The following ITGB3BP variants were observed in gnomAD, a reference collection of about 807,000 sequenced individuals.
The protein encoded by ITGB3BP is centromere protein R.
Under a neutral mutation model 29.1 loss-of-function variants are expected in ITGB3BP, and 27 were observed. That is an observed-to-expected ratio of 0.93 (90% confidence interval 0.68 to 1.28). The LOEUF is 1.28. ITGB3BP is among the 50% of genes most tolerant of loss of function. The probability of loss-of-function intolerance (pLI) is 0.00; values close to 1 mark genes in which losing one functional copy is unlikely to be tolerated. For synonymous variants in ITGB3BP, 61 were observed against 61.4 expected, an observed-to-expected ratio of 0.99 and a Z score of 0.03; for missense variants, 192 against 200.2, an observed-to-expected ratio of 0.96 and a Z score of 0.25.
intron 8 of ITGB3BP, 149 bp downstream of exon 8, chr1:63,446,657 A>G (rs1266851621): frequency 1.1e-5 from 7 of 630,160 alleles, no homozygotes; most frequent in East Asian, 5.5e-5. Context: ...CTAGATTAAT[A>G]TAAGTTCAAC....
chr1:63,508,528 AT>A lies in ITGB3BP; in HGVS notation c.47del (p.Asn16IlefsTer15), dbSNP rs1219404585. On this transcript the variant is annotated frameshift_variant and splice_region_variant, in exon 2 of 9. Transcript: ENST00000271002. LOFTEE classifies it high-confidence loss of function. ...GACAAACTTTTAAGCAAATACTTAC[AT>A]TTTCTTCTAACAGACCATCCAACTT... ...SLKLDGLLEE[N>X]SFDPSKITRK... 1.4e-6 allele frequency: 2 copies of A among 1,410,654 alleles called. No individual in the cohort carries two copies. The highest frequency in any genetic ancestry group is 1.9e-6 in the Non-Finnish European group (2 of 1,035,714). The allele number at this position is 1,410,654 out of a possible 1,614,324, so 87.4% of individuals were successfully genotyped here. A position where few individuals can be genotyped will look rare whatever the true frequency, so the allele number is the denominator to read the frequency against.
chr1:63,502,786 T>A (rs12044135), intron 2 of ITGB3BP, among the ~76,000 whole-genome samples: 14,386 of 151,768 alleles, frequency 0.095, 895 homozygotes, highest in East Asian at 0.15. Context: ...GTCCTTGCGA[T>A]ATTTGCTGAG....
At chr1:63,487,573 C>T (rs1304762107) in intron 3 of ITGB3BP, among the ~76,000 whole-genome samples, 1 of 152,042 alleles carries the variant, frequency 6.6e-6, no homozygotes, top group African/African-American at 2.4e-5. Context: ...TAGCCTATTG[C>T]TCCTAGTCTA....
intron 2 of ITGB3BP, among the ~76,000 whole-genome samples, chr1:63,496,453 G>C (rs189506640): frequency 6.6e-6 from 1 of 152,110 alleles, no homozygotes; most frequent in East Asian, 1.9e-4. Flanking sequence ...CAGGCCAACT[G>C]AACTTGATGT....
At position 63,472,910 on chromosome 1, in the gene ITGB3BP, TGAG is replaced by T. The variant is rs1019113309; in HGVS notation, c.254+5851_254+5853del. ...CCCAGCCGCCACCCCGTCTGGGAAG[TGAG>T]GAGCGTCTCTGCCTGGCCGCCCATC... On this transcript the variant is annotated intron_variant, in intron 4 of 8. Transcript: ENST00000271002. 4.5e-4 allele frequency among the ~76,000 whole-genome samples: 69 copies of T among 151,982 alleles called. 1 individual carries two copies. Among genetic ancestry groups the T allele is most frequent in the African/African-American group, 1.6e-3 (65 of 41,446 alleles).
chr1:63,472,027 G>A (rs747974323), intron 4 of ITGB3BP, among the ~76,000 whole-genome samples: 17 of 147,344 alleles, frequency 1.2e-4, no homozygotes, highest in Non-Finnish European at 1.6e-4. Context: ...CTCGTCATCC[G>A]CCCGCCTCAG....
chr1:63,487,591 G>A (rs1279360666), intron 3 of ITGB3BP, among the ~76,000 whole-genome samples: 1 of 151,928 alleles, frequency 6.6e-6, no homozygotes, highest in Non-Finnish European at 1.5e-5. Flanking sequence ...CTACAAACCT[G>A]TACAGCATAT....
At chr1:63,510,958 G>C (rs754498993) in intron 1 of ITGB3BP, among the ~76,000 whole-genome samples, 12 of 152,128 alleles carry the variant, frequency 7.9e-5, no homozygotes, top group Non-Finnish European at 1.3e-4. Flanking sequence ...GGTAAAATTT[G>C]ATTAGATATA....
intron 4 of ITGB3BP, among the ~76,000 whole-genome samples, chr1:63,464,192 C>T (rs1645064965): frequency 6.6e-6 from 1 of 152,120 alleles, no homozygotes; most frequent in Non-Finnish European, 1.5e-5. Context: ...AATTCACGAA[C>T]AAGAAAACCT....
At chr1:63,505,793 G>C (rs1646063169) in intron 2 of ITGB3BP, among the ~76,000 whole-genome samples, 1 of 152,126 alleles carries the variant, frequency 6.6e-6, no homozygotes. Flanking sequence ...TTCAGGAGCA[G>C]GTTGTTCAGT....
intron 1 of ITGB3BP, among the ~76,000 whole-genome samples, chr1:63,518,776 T>C (rs963036337): frequency 6.6e-6 from 1 of 152,144 alleles, no homozygotes; most frequent in South Asian, 2.1e-4. Context: ...CCATCTGTTT[T>C]TGTTCCTTTG....
At chr1:63,493,787 C>T (rs554381679) in intron 2 of ITGB3BP, among the ~76,000 whole-genome samples, 8 of 152,070 alleles carry the variant, frequency 5.3e-5, no homozygotes, top group Non-Finnish European at 1.0e-4. Context: ...TTTTTTTAAA[C>T]CTATTATAAA....
intron 2 of ITGB3BP, among the ~76,000 whole-genome samples, chr1:63,528,751 G>A (rs1362828572): frequency 6.6e-6 from 1 of 151,922 alleles, no homozygotes; most frequent in Non-Finnish European, 1.5e-5. Flanking sequence ...TTAACAATAA[G>A]GAAGAAATTT....
chr1:63,469,217 C>A (rs1645152788), intron 4 of ITGB3BP, among the ~76,000 whole-genome samples: 1 of 152,050 alleles, frequency 6.6e-6, no homozygotes, highest in African/African-American at 2.4e-5. Flanking sequence ...GGCAAATATT[C>A]AATAATTACT....
upstream of ITGB3BP, chr1:63,527,972 T>G (rs1413367640): frequency 6.6e-6 from 1 of 152,186 alleles, no homozygotes; most frequent in Non-Finnish European, 1.5e-5. Context: ...CCTCTTACAC[T>G]GTTGGTAGGA....
At chr1:63,463,299 G>A (rs1472529033) in intron 4 of ITGB3BP, among the ~76,000 whole-genome samples, 3 of 148,756 alleles carry the variant, frequency 2.0e-5, no homozygotes, top group Non-Finnish European at 4.4e-5. Flanking sequence ...GGATCCTCGC[G>A]GTGATGGAAC....
At chr1:63,477,707 G>A (rs1033926465) in intron 4 of ITGB3BP, among the ~76,000 whole-genome samples, 1 of 147,958 alleles carries the variant, frequency 6.8e-6, no homozygotes, top group African/African-American at 2.5e-5. Context: ...GCAACAGAGT[G>A]AGACAATCAG....
intron 3 of ITGB3BP, among the ~76,000 whole-genome samples, chr1:63,486,123 T>C (rs1645524468): frequency 6.6e-6 from 1 of 152,082 alleles, no homozygotes; most frequent in South Asian, 2.1e-4. Context: ...TCTCCTTTTA[T>C]CTCTCTGTAC....
At chr1:63,497,382 C>T (rs1462661901) in intron 2 of ITGB3BP, among the ~76,000 whole-genome samples, 1 of 152,104 alleles carries the variant, frequency 6.6e-6, no homozygotes, top group Non-Finnish European at 1.5e-5. Flanking sequence ...TTACCAAGGG[C>T]TTTTGTTAAT....
Sources: allele counts gnomAD v4.1 joint callset (sites outside exome capture counted in the v4.1 genomes callset), GRCh38; gene constraint gnomAD v4.1.1; transcripts MANE v1.5; gene names NCBI Gene and HGNC (gene_info 2026-07-23, HGNC 2026-07-21).